The following TCTN2 variants were observed in gnomAD, a reference collection of about 807,000 sequenced individuals.
The protein encoded by TCTN2 is tectonic family member 2.
A neutral mutation model predicts 83.4 loss-of-function variants in TCTN2; 66 were observed. The ratio of observed to expected loss-of-function variants is 0.79; its 90% CI spans 0.65 to 0.97. The LOEUF (loss-of-function observed/expected upper bound fraction) is 0.97. Among genes scored for constraint, TCTN2 ranks in the 50% least tolerant of loss-of-function variants. TCTN2 has a pLI of 0.00. For synonymous variants in TCTN2, 301 were observed against 326.7 expected, an observed-to-expected ratio of 0.92 and a Z score of 0.85; for missense variants, 794 against 858.1, an observed-to-expected ratio of 0.93 and a Z score of 0.93.
chr12:123,693,872 C>CAA (rs1435079139), intron 9 of TCTN2, among the ~76,000 whole-genome samples: 2 of 151,358 alleles, frequency 1.3e-5, no homozygotes, highest in Non-Finnish European at 2.9e-5. Flanking sequence ...GGCTGGAGTG[C>CAA]AATAGGGTGA....
At chr12:123,677,039 A>C (rs59961898) in intron 4 of TCTN2, among the ~76,000 whole-genome samples, 1 of 152,058 alleles carries the variant, frequency 6.6e-6, no homozygotes, top group African/African-American at 2.4e-5. Context: ...TTACCTGAGC[A>C]TGATGGTGCA....
At chr12:123,675,497 C>T (rs1325709243) in intron 4 of TCTN2, among the ~76,000 whole-genome samples, 1 of 152,152 alleles carries the variant, frequency 6.6e-6, no homozygotes, top group Non-Finnish European at 1.5e-5. Context: ...TATTACATCC[C>T]TAACTGTGGT....
chr12:123,680,429 C>T (rs1955884054), intron 5 of TCTN2, among the ~76,000 whole-genome samples: 1 of 150,506 alleles, frequency 6.6e-6, no homozygotes, highest in Non-Finnish European at 1.5e-5. Context: ...GCTGGAATTA[C>T]AGGTGTAAGC....
chr12:123,675,267 G>A (rs146290817), intron 4 of TCTN2, among the ~76,000 whole-genome samples: 20 of 152,154 alleles, frequency 1.3e-4, no homozygotes, highest in African/African-American at 4.3e-4. Flanking sequence ...GTTCATCTCC[G>A]TCTCACATGA....
intron 2 of TCTN2, 29 bp from the exon 3 acceptor site, chr12:123,672,027 G>A (rs750400421): frequency 6.2e-7 from 1 of 1,605,240 alleles, no homozygotes; most frequent in Non-Finnish European, 8.5e-7. Flanking sequence ...GGACCTTGCT[G>A]CCTTTGCATG....
Position 123,671,318 on chromosome 12 carries a change from C to T in TCTN2, c.78C>T (p.Asp26=), listed in dbSNP as rs1304941525. Reference sequence around the variant, plus strand: ...GCATCCTGAGGCTTCTGTGGGGGGACCTGGGTGTGTACGGCGCGGCAGTGA... The same window carrying T: ...GCATCCTGAGGCTTCTGTGGGGGGATCTGGGTGTGTACGGCGCGGCAGTGA... The part of the protein sequence containing the change: ...LQGILRLLWG[D]LAFIPPFIRM... Residue 26 remains aspartate, a synonymous_variant, in exon 1 of 18, where the codon GAC becomes GAT. Coordinates refer to ENST00000303372, the MANE Select transcript of TCTN2 (RefSeq NM_024809.5). 1 of 1,613,498 alleles carries T rather than the reference C, an allele frequency of 6.2e-7. No homozygotes were observed. Among genetic ancestry groups the T allele is most frequent in the Non-Finnish European group, 8.5e-7 (1 of 1,179,920 alleles).
chr12:123,693,441 TAG>T (rs1956070222), intron 9 of TCTN2, among the ~76,000 whole-genome samples: 1 of 138,168 alleles, frequency 7.2e-6, no homozygotes, highest in Non-Finnish European at 1.5e-5. Flanking sequence ...ATAAGTTACG[TAG>T]AGTTTGGCAG....
intron 14 of TCTN2, among the ~76,000 whole-genome samples, chr12:123,703,898 G>A (rs1312739725): frequency 6.6e-6 from 1 of 152,132 alleles, no homozygotes; most frequent in African/African-American, 2.4e-5. Context: ...TCTGTTAAAA[G>A]GCTGGGTAGA....
At chr12:123,704,450 T>C in intron 14 of TCTN2, 82 bp from the exon 15 acceptor site, 1 of 1,415,328 alleles carries the variant, frequency 7.1e-7, no homozygotes. Context: ...CCTGATATTA[T>C]TCCCCATTTT....
intron 5 of TCTN2, 46 bp from the exon 6 acceptor site, chr12:123,686,790 G>C (rs1415437703): frequency 4.4e-6 from 7 of 1,598,316 alleles, no homozygotes; most frequent in Non-Finnish European, 6.0e-6. Context: ...CTTGCCAGGA[G>C]ATCCTGACCA....
chr12:123,672,732 G>A (rs1955771328), intron 3 of TCTN2, among the ~76,000 whole-genome samples: 1 of 151,482 alleles, frequency 6.6e-6, no homozygotes, highest in Non-Finnish European at 1.5e-5. Flanking sequence ...CTGGGCAACA[G>A]AGCAAGACCC....
At chr12:123,681,469 T>C (rs866473259) in intron 5 of TCTN2, among the ~76,000 whole-genome samples, 4 of 152,162 alleles carry the variant, frequency 2.6e-5, no homozygotes, top group African/African-American at 7.2e-5. Flanking sequence ...TTTTGGACAT[T>C]GCACGTATAT....
intron 7 of TCTN2, among the ~76,000 whole-genome samples, chr12:123,689,068 T>G (rs528921921): frequency 1.9e-4 from 28 of 151,220 alleles, no homozygotes; most frequent in African/African-American, 6.3e-4. Flanking sequence ...TTAAAAAAAT[T>G]TGTTTTGGTT....
intron 13 of TCTN2, among the ~76,000 whole-genome samples, chr12:123,697,592 C>G (rs1054942911): frequency 6.6e-6 from 1 of 151,996 alleles, no homozygotes; most frequent in Non-Finnish European, 1.5e-5. Flanking sequence ...TTCTGCCTCT[C>G]CGGTTCAAGC....
chr12:123,672,803 C>T (rs1399842172), intron 3 of TCTN2, among the ~76,000 whole-genome samples: 1 of 152,114 alleles, frequency 6.6e-6, no homozygotes, highest in Non-Finnish European at 1.5e-5. Context: ...GTAATCCTAG[C>T]ACTTTGGGAG....
chr12:123,679,052 C>T, intron 4 of TCTN2, 137 bp from the exon 5 acceptor site: 1 of 723,598 alleles, frequency 1.4e-6, no homozygotes, highest in Admixed American at 1.9e-5. Context: ...CTGCCTTGGC[C>T]TCCCAAAATG....
rs1449279388 is a variant in TCTN2, at chr12:123,697,144, T to C, written c.1451T>C (p.Val484Ala). The C allele has an allele frequency of 6.2e-7, 1 of 1,614,122 alleles. No individual in the cohort carries two copies. The highest frequency in any genetic ancestry group is 2.2e-5 in the East Asian group (1 of 44,866). The change falls in exon 13 of 18, where the codon GTA becomes GCA. Residue 484 changes from valine (V) to alanine (A), a missense_variant. Coordinates refer to ENST00000303372, the MANE Select transcript of TCTN2 (RefSeq NM_024809.5). ...TFKPILFGEN[V>A]LSGCLLEVGI... Reference sequence around the variant, plus strand: ...AAACCCATTTTATTTGGAGAAAATGTACTCTCTGGATGCCTGTTAGAAGTC... The same window carrying C: ...AAACCCATTTTATTTGGAGAAAATGCACTCTCTGGATGCCTGTTAGAAGTC...
At chr12:123,690,394 A>G in intron 7 of TCTN2, 139 bp from the exon 8 acceptor site, 2 of 1,153,422 alleles carry the variant, frequency 1.7e-6, no homozygotes, top group South Asian at 1.3e-5. Flanking sequence ...CGGGTCAACT[A>G]GTCGGTGAAC....
chr12:123,706,504 G>A (rs745699537), intron 15 of TCTN2, among the ~76,000 whole-genome samples: 7 of 152,232 alleles, frequency 4.6e-5, no homozygotes, highest in Admixed American at 3.3e-4. Context: ...GTTGCTGGGC[G>A]ACAGGCCCAT....
Sources: allele counts gnomAD v4.1 joint callset (sites outside exome capture counted in the v4.1 genomes callset), GRCh38; gene constraint gnomAD v4.1.1; transcripts MANE v1.5; gene names NCBI Gene and HGNC (gene_info 2026-07-23, HGNC 2026-07-21).